Variants in SLC36A1 observed in about 807,000 individuals in gnomAD.
The protein encoded by SLC36A1 is proton-coupled amino acid transporter 1.
Under a neutral mutation model 47.5 loss-of-function variants are expected in SLC36A1, and 30 were observed. The ratio of observed to expected loss-of-function variants is 0.63; its 90% CI spans 0.47 to 0.86. The LOEUF is 0.86. Ranked by LOEUF, SLC36A1 falls within the 40% of genes least tolerant of loss-of-function variation. The probability of loss-of-function intolerance (pLI) is 0.00; values close to 1 mark genes in which losing one functional copy is unlikely to be tolerated. For missense variants in SLC36A1, 517 were observed against 606.0 expected (o/e 0.85, Z 1.54); for synonymous variants, 255 against 249.7 (o/e 1.02, Z -0.20).
At chr5:151,529,161 A>T in the SLC36A1 span, 28 of 1,610,658 alleles carry the variant, frequency 1.7e-5, no homozygotes, top group Non-Finnish European at 2.2e-5. Flanking sequence ...ACAAAGAGCA[A>T]GGTGGCAGAT....
At chr5:151,511,696 G>A in the SLC36A1 span, 2 of 164,236 alleles carry the variant, frequency 1.2e-5, no homozygotes, top group African/African-American at 2.4e-5. Flanking sequence ...ATGGTGCTGA[G>A]CGAAAGCGTA....
chr5:151,517,779 C>T, the SLC36A1 span: 1 of 1,613,742 alleles, frequency 6.2e-7, no homozygotes, highest in Non-Finnish European at 8.5e-7. Flanking sequence ...AGAAAGCAAC[C>T]AAAGCTGTCA....
At chr5:151,420,835 T>A in the SLC36A1 span, among the ~76,000 whole-genome samples, 8 of 152,148 alleles carry the variant, frequency 5.3e-5, no homozygotes, top group South Asian at 1.0e-3. Flanking sequence ...GATTATTTTT[T>A]AAGAAATCTT....
chr5:151,386,967 C>G, the SLC36A1 span: 2 of 152,280 alleles, frequency 1.3e-5, no homozygotes, highest in Non-Finnish European at 2.9e-5. Flanking sequence ...GAATGTTGCA[C>G]TTGCTCTAGG....
the SLC36A1 span, among the ~76,000 whole-genome samples, chr5:151,354,323 C>T: frequency 2.0e-4 from 31 of 152,232 alleles, no homozygotes; most frequent in African/African-American, 7.5e-4. Flanking sequence ...AAGAAACAAA[C>T]AAATTAAGCT....
chr5:151,445,078 G>A (rs1482811413), upstream of SLC36A1, among the ~76,000 whole-genome samples: 1 of 151,816 alleles, frequency 6.6e-6, no homozygotes, highest in African/African-American at 2.4e-5. Context: ...AATGTTAACT[G>A]TGTGTTTTTC....
chr5:151,542,878 T>G, the SLC36A1 span: 2 of 1,614,194 alleles, frequency 1.2e-6, no homozygotes, highest in Non-Finnish European at 1.7e-6. Flanking sequence ...CTTCCTCACC[T>G]TTATGACCCC....
upstream of SLC36A1, among the ~76,000 whole-genome samples, chr5:151,443,636 ACTTC>A (rs1752756356): frequency 6.6e-6 from 1 of 152,134 alleles, no homozygotes; most frequent in Non-Finnish European, 1.5e-5. Flanking sequence ...TTTGTTGATT[ACTTC>A]CTTTGCTGTG....
At chr5:151,388,677 TAC>T in the SLC36A1 span, among the ~76,000 whole-genome samples, 1 of 108,460 alleles carries the variant, frequency 9.2e-6, no homozygotes, top group Non-Finnish European at 1.8e-5. Flanking sequence ...TCAAATATTT[TAC>T]AGTTTGACTC....
chr5:151,540,254 C>T, the SLC36A1 span, among the ~76,000 whole-genome samples: 1 of 152,156 alleles, frequency 6.6e-6, no homozygotes, highest in Non-Finnish European at 1.5e-5. Context: ...ATGGTCCCTG[C>T]CCCTGGGAGC....
chr5:151,365,761 A>G, the SLC36A1 span, among the ~76,000 whole-genome samples: 11 of 152,218 alleles, frequency 7.2e-5, no homozygotes, highest in Non-Finnish European at 1.6e-4. Flanking sequence ...TGGAACCTAG[A>G]TGTCCTTTTC....
chr5:151,498,048 C>T, the SLC36A1 span, among the ~76,000 whole-genome samples: 2 of 151,810 alleles, frequency 1.3e-5, no homozygotes, highest in Admixed American at 6.6e-5. Flanking sequence ...TGGGTTCAAG[C>T]GATTCTCTGC....
chr5:151,538,163 G>A, the SLC36A1 span, among the ~76,000 whole-genome samples: 1 of 152,168 alleles, frequency 6.6e-6, no homozygotes, highest in African/African-American at 2.4e-5. Context: ...GATGAAACAT[G>A]CAAGGAAAAC....
the SLC36A1 span, chr5:151,507,334 T>C: frequency 6.2e-7 from 1 of 1,614,178 alleles, no homozygotes; most frequent in Admixed American, 1.7e-5. Context: ...TGGTTGAGGT[T>C]GTTGCAGGAG....
At chr5:151,418,180 A>C in the SLC36A1 span, among the ~76,000 whole-genome samples, 1 of 152,226 alleles carries the variant, frequency 6.6e-6, no homozygotes, top group Non-Finnish European at 1.5e-5. Flanking sequence ...TTTGCTGCAG[A>C]GGAGGGGCCC....
upstream of SLC36A1, among the ~76,000 whole-genome samples, chr5:151,434,620 T>C (rs1382401262): frequency 6.6e-6 from 1 of 152,176 alleles, no homozygotes; most frequent in Non-Finnish European, 1.5e-5. Context: ...ACATCTGTCA[T>C]GGACTGTGTA....
At chr5:151,450,419 G>A (rs1176749348) in intron 1 of SLC36A1, among the ~76,000 whole-genome samples, 1 of 151,838 alleles carries the variant, frequency 6.6e-6, no homozygotes, top group Non-Finnish European at 1.5e-5. Flanking sequence ...CATGTAGAGT[G>A]GATGGAGCAG....
At chr5:151,522,592 G>A in the SLC36A1 span, among the ~76,000 whole-genome samples, 1 of 152,172 alleles carries the variant, frequency 6.6e-6, no homozygotes, top group South Asian at 2.1e-4. Flanking sequence ...CTGTGGCCAG[G>A]AGAAAAGAGA....
downstream of SLC36A1, among the ~76,000 whole-genome samples, chr5:151,496,112 T>C (rs1477627184): frequency 6.6e-6 from 1 of 152,132 alleles, no homozygotes; most frequent in Non-Finnish European, 1.5e-5. Context: ...AGGGACCCGG[T>C]GGGAGGTGAC....
Sources: allele counts gnomAD v4.1 joint callset (sites outside exome capture counted in the v4.1 genomes callset), GRCh38; gene constraint gnomAD v4.1.1; transcripts MANE v1.5; gene names NCBI Gene and HGNC (gene_info 2026-07-23, HGNC 2026-07-21).